Variants in KCNH1 observed in about 807,000 individuals in gnomAD.
The protein encoded by KCNH1 is potassium voltage-gated channel subfamily H member 1.
A neutral mutation model predicts 69.2 loss-of-function variants in KCNH1; 27 were observed. The ratio of observed to expected loss-of-function variants is 0.39; its 90% confidence interval spans 0.29 to 0.54. KCNH1 has a LOEUF of 0.54. Ranked by LOEUF, KCNH1 falls within the 20% of genes least tolerant of loss-of-function variation. The pLI is 0.68. For missense variants in KCNH1, 798 were observed against 1,261.6 expected, an observed-to-expected ratio of 0.63 and a Z score of 5.57; for synonymous variants, 456 against 487.7, an observed-to-expected ratio of 0.93 and a Z score of 0.86.
chr1:210,696,763 T>A (rs1220515174), intron 10 of KCNH1, among the ~76,000 whole-genome samples: 2 of 152,228 alleles, frequency 1.3e-5, no homozygotes, highest in Non-Finnish European at 2.9e-5. Flanking sequence ...CTACTCAGTC[T>A]ATTTTTCTCA....
intron 4 of KCNH1, among the ~76,000 whole-genome samples, chr1:211,087,229 A>G (rs1475289680): frequency 6.6e-6 from 1 of 152,186 alleles, no homozygotes; most frequent in Non-Finnish European, 1.5e-5. Flanking sequence ...GAAGTTTTGC[A>G]TTCCTTTTGT....
At chr1:210,959,913 C>T (rs558757308) in intron 6 of KCNH1, among the ~76,000 whole-genome samples, 12 of 152,302 alleles carry the variant, frequency 7.9e-5, no homozygotes, top group African/African-American at 2.9e-4. Context: ...ATGGGCTATA[C>T]CCACTGTCCA....
chr1:210,882,442 C>A (rs1686515764), intron 7 of KCNH1, among the ~76,000 whole-genome samples: 1 of 152,144 alleles, frequency 6.6e-6, no homozygotes, highest in Non-Finnish European at 1.5e-5. Flanking sequence ...CCTTATCCCA[C>A]CGCCATTGTA....
intron 1 of KCNH1, among the ~76,000 whole-genome samples, chr1:211,111,943 T>C (rs1165930680): frequency 1.5e-5 from 1 of 67,442 alleles, no homozygotes; most frequent in East Asian, 3.8e-4. Context: ...GGAAGTGAGG[T>C]GCCCCTCTGC....
At chr1:211,063,187 T>C (rs1690462642) in intron 5 of KCNH1, among the ~76,000 whole-genome samples, 1 of 152,050 alleles carries the variant, frequency 6.6e-6, no homozygotes, top group African/African-American at 2.4e-5. Context: ...GTCTATTCAG[T>C]GAAATAAGTC....
At chr1:210,973,150 A>G (rs1288197314) in intron 6 of KCNH1, among the ~76,000 whole-genome samples, 1 of 152,118 alleles carries the variant, frequency 6.6e-6, no homozygotes, top group Non-Finnish European at 1.5e-5. Flanking sequence ...ACATGTTAAT[A>G]TCATTCTGAC....
intron 9 of KCNH1, among the ~76,000 whole-genome samples, chr1:210,779,678 T>C (rs1683936832): frequency 6.6e-6 from 1 of 152,102 alleles, no homozygotes; most frequent in African/African-American, 2.4e-5. Context: ...TAAAACTTAA[T>C]GTTCCAAGTC....
At chr1:210,760,956 A>C (rs761216894) in intron 10 of KCNH1, among the ~76,000 whole-genome samples, 16 of 152,202 alleles carry the variant, frequency 1.1e-4, no homozygotes, top group Non-Finnish European at 2.1e-4. Context: ...TTGCTACCAC[A>C]AAAGTACATG....
intron 6 of KCNH1, among the ~76,000 whole-genome samples, chr1:210,997,330 G>T (rs542845537): frequency 6.6e-6 from 1 of 152,338 alleles, no homozygotes; most frequent in South Asian, 2.1e-4. Flanking sequence ...AGCTGATGCA[G>T]CTGAAAGCCA....
intron 10 of KCNH1, among the ~76,000 whole-genome samples, chr1:210,750,774 T>A (rs1207156126): frequency 6.6e-6 from 1 of 152,186 alleles, no homozygotes; most frequent in African/African-American, 2.4e-5. Flanking sequence ...CCATCTTGTT[T>A]AAGACATTTG....
chr1:210,923,911 A>T (rs747817386), intron 6 of KCNH1, among the ~76,000 whole-genome samples: 3 of 152,210 alleles, frequency 2.0e-5, no homozygotes, highest in Admixed American at 6.5e-5. Context: ...GAATAATTGC[A>T]GGTATAGTTA....
At chr1:210,998,563 G>A (rs1571564942) in intron 6 of KCNH1, among the ~76,000 whole-genome samples, 2 of 152,036 alleles carry the variant, frequency 1.3e-5, no homozygotes, top group Admixed American at 1.3e-4. Flanking sequence ...GATAATAGTG[G>A]GAGACTTTAA....
intron 6 of KCNH1, among the ~76,000 whole-genome samples, chr1:210,962,853 T>C (rs1365196528): frequency 6.7e-6 from 1 of 150,172 alleles, no homozygotes; most frequent in Non-Finnish European, 1.5e-5. Context: ...CATTTTGTGA[T>C]CTATTGAGCA....
intron 7 of KCNH1, among the ~76,000 whole-genome samples, chr1:210,877,286 G>A (rs573312395): frequency 6.6e-6 from 1 of 152,132 alleles, no homozygotes; most frequent in African/African-American, 2.4e-5. Context: ...AGACTGGGCT[G>A]CAGGAGTCTG....
At chr1:210,688,839 G>A (rs1364599758) in intron 10 of KCNH1, among the ~76,000 whole-genome samples, 1 of 152,182 alleles carries the variant, frequency 6.6e-6, no homozygotes, top group African/African-American at 2.4e-5. Context: ...GGTCTGTCTG[G>A]AGAGGTTGTT....
At position 211,069,133 on chromosome 1, in the gene KCNH1, A is replaced by G. The variant is rs144735225; in HGVS notation, c.558+13647T>C. Among the ~76,000 whole-genome samples, 239 of 152,306 alleles carry G rather than the reference A, an allele frequency of 1.6e-3. 2 individuals are homozygous for G. The highest frequency in any genetic ancestry group is 5.5e-3 in the African/African-American group (229 of 41,568). ...AGAGCCTAACTAACTGATTGGAGGA[A>G]AGGAAATACCCATCTCCAGCCAGCT... On this transcript the variant is annotated intron_variant, in intron 5 of 10. Coordinates refer to ENST00000271751, the MANE Select transcript of KCNH1 (RefSeq NM_172362.3).
chr1:210,832,394 A>G (rs1685180961), intron 7 of KCNH1, among the ~76,000 whole-genome samples: 1 of 152,120 alleles, frequency 6.6e-6, no homozygotes, highest in Non-Finnish European at 1.5e-5. Flanking sequence ...TGATAAGCCT[A>G]TTTTCCCAAT....
intron 7 of KCNH1, among the ~76,000 whole-genome samples, chr1:210,903,229 C>T (rs1319802362): frequency 1.3e-5 from 2 of 152,198 alleles, no homozygotes; most frequent in African/African-American, 4.8e-5. Context: ...TACTTAACTA[C>T]AACCACAGAA....
At chr1:211,073,935 T>G (rs1451604490) in intron 5 of KCNH1, among the ~76,000 whole-genome samples, 1 of 151,204 alleles carries the variant, frequency 6.6e-6, no homozygotes, top group Non-Finnish European at 1.5e-5. Flanking sequence ...TTGAAAAAAA[T>G]CAATAAAAAT....
Sources: allele counts gnomAD v4.1 joint callset (sites outside exome capture counted in the v4.1 genomes callset), GRCh38; gene constraint gnomAD v4.1.1; transcripts MANE v1.5; gene names NCBI Gene and HGNC (gene_info 2026-07-23, HGNC 2026-07-21).